Variants in MAMLD1 observed in about 807,000 individuals in gnomAD.
MAMLD1 encodes mastermind-like domain-containing protein 1.
Under a neutral mutation model 45.0 loss-of-function variants are expected in MAMLD1, and 14 were observed. The ratio of observed to expected loss-of-function variants is 0.31; its 90% confidence interval spans 0.21 to 0.49. MAMLD1 has a LOEUF of 0.49. Ranked by LOEUF, MAMLD1 falls within the 20% of genes least tolerant of loss-of-function variation. MAMLD1 has a pLI of 0.99. For missense variants in MAMLD1, 543 were observed against 603.6 expected (o/e 0.90, Z 1.05); for synonymous variants, 254 against 247.8 (o/e 1.02, Z -0.24).
chrX:150,453,331 C>G (rs781965243), intron 2 of MAMLD1, among the ~76,000 whole-genome samples: 1 of 112,249 alleles, frequency 8.9e-6, no homozygotes, highest in African/African-American at 3.2e-5. Flanking sequence ...GCCTGCGAAG[C>G]CTGAGACATT....
rs927968522 is a variant in MAMLD1 at position 150,512,649 on chromosome X, C to T, written c.*690C>T. Reference sequence around the variant, plus strand: ...CTCAGGCAGAGCCCGGTACAGGGCCCGGTGCCTGTAGCAAACACCACCAAG... The same window carrying T: ...CTCAGGCAGAGCCCGGTACAGGGCCTGGTGCCTGTAGCAAACACCACCAAG... On this transcript the variant is annotated 3_prime_UTR_variant, in exon 8 of 8. Transcript: ENST00000370401. 153 of 1,147,547 alleles carry T rather than the reference C, an allele frequency of 1.3e-4. No homozygotes were observed. In the Middle Eastern group the frequency reaches 1.9e-3, roughly 14 times the overall value. 94.6% of individuals were successfully genotyped at this position (1,147,547 alleles called of 1,213,427 possible).
At chrX:150,508,454 G>A (rs1354107089) in intron 6 of MAMLD1, among the ~76,000 whole-genome samples, 1 of 108,913 alleles carries the variant, frequency 9.2e-6, no homozygotes, top group Non-Finnish European at 1.9e-5. Flanking sequence ...CCACACGGCA[G>A]CTCCAGTGGA....
At position 150,394,396 on chromosome X, in the gene MAMLD1, T is replaced by C. The variant is rs2033336279; in HGVS notation, c.-64+30866T>C. ...TAGTGTCAGTCCTTTGACTTTGTTCTTCTCTGTCAATATTTTACTAACTAT... is the reference window on the plus strand; with the variant it reads ...TAGTGTCAGTCCTTTGACTTTGTTCCTCTCTGTCAATATTTTACTAACTAT... On this transcript the variant is annotated intron_variant, in intron 1 of 7. Coordinates refer to ENST00000370401, the MANE Select transcript of MAMLD1 (RefSeq NM_005491.5). Among the ~76,000 whole-genome samples, 4 of 110,375 alleles carry C rather than the reference T, an allele frequency of 3.6e-5. 1 individual carries two copies. In the South Asian group the frequency reaches 1.5e-3, roughly 42 times the overall value.
chrX:150,417,550 G>T (rs1262646333), intron 1 of MAMLD1, among the ~76,000 whole-genome samples: 2 of 110,158 alleles, frequency 1.8e-5, no homozygotes, highest in African/African-American at 6.7e-5. Flanking sequence ...GGGTCAAATG[G>T]TATTTCCAGT....
At chrX:150,425,859 C>A (rs886193600) in intron 1 of MAMLD1, among the ~76,000 whole-genome samples, 2 of 112,196 alleles carry the variant, frequency 1.8e-5, no homozygotes, top group Non-Finnish European at 3.8e-5. Context: ...TTGGAGCGAG[C>A]CAGTGAAATG....
At position 150,512,966 on chromosome X, in the gene MAMLD1, G is replaced by A; in HGVS notation, c.*1007G>A. On this transcript the variant is annotated 3_prime_UTR_variant, in exon 8 of 8. Transcript: ENST00000370401. ...CTGTGTGAGCCCAGATGAAGACTGGGTGTGCAACTTGAGGCTGATCGACGA... is the reference window on the plus strand; with the variant it reads ...CTGTGTGAGCCCAGATGAAGACTGGATGTGCAACTTGAGGCTGATCGACGA... 1.7e-6 allele frequency: 2 copies of A among 1,156,105 alleles called. No individual in the cohort carries two copies. Among genetic ancestry groups the A allele is most frequent in the Non-Finnish European group, 2.3e-6 (2 of 872,844 alleles).
chrX:150,495,947 C>G (rs2037362803), intron 5 of MAMLD1, among the ~76,000 whole-genome samples: 1 of 112,663 alleles, frequency 8.9e-6, no homozygotes, highest in South Asian at 3.7e-4. Flanking sequence ...AATTATGATG[C>G]TGTTATCTCC....
intron 2 of MAMLD1, among the ~76,000 whole-genome samples, chrX:150,449,147 A>T (rs1261422014): frequency 1.8e-5 from 2 of 111,251 alleles, no homozygotes; most frequent in African/African-American, 3.3e-5. Flanking sequence ...GGGGATTATT[A>T]TTATTCTCCT....
At chrX:150,492,976 G>A (rs1379033863) in intron 5 of MAMLD1, among the ~76,000 whole-genome samples, 4 of 111,643 alleles carry the variant, frequency 3.6e-5, no homozygotes, top group Non-Finnish European at 7.5e-5. Flanking sequence ...TTCAGTGACA[G>A]GAGAGCAGAG....
chrX:150,481,964 AAAAGAAAGAAAGAAAG>A (rs57124938), intron 5 of MAMLD1, among the ~76,000 whole-genome samples: 961 of 56,565 alleles, frequency 0.017, 12 homozygotes, highest in East Asian at 0.037. Context: ...AAAGAAAGAA[AAAAGAAAGAAAGAAAG>A]AAAGAAAGAA....
At chrX:150,393,615 GT>G (rs1399037074) in intron 1 of MAMLD1, among the ~76,000 whole-genome samples, 1 of 112,127 alleles carries the variant, frequency 8.9e-6, no homozygotes, top group Non-Finnish European at 1.9e-5. Context: ...GTTGTTGCCA[GT>G]TTTCCAGATT....
chrX:150,395,967 G>T (rs2033395736), intron 1 of MAMLD1, among the ~76,000 whole-genome samples: 1 of 106,791 alleles, frequency 9.4e-6, no homozygotes, highest in Non-Finnish European at 1.9e-5. Flanking sequence ...CTTACTTAGG[G>T]TTTAATGTGC....
intron 1 of MAMLD1, among the ~76,000 whole-genome samples, chrX:150,365,468 G>T (rs1013670396): frequency 4.4e-5 from 5 of 113,172 alleles, no homozygotes; most frequent in Non-Finnish European, 9.4e-5. Context: ...AGCGCTCCGC[G>T]GGGTGGGCAG....
chrX:150,407,688 A>C (rs1028433369), intron 1 of MAMLD1, among the ~76,000 whole-genome samples: 2 of 112,017 alleles, frequency 1.8e-5, no homozygotes, highest in African/African-American at 3.2e-5. Flanking sequence ...TAGCTCACCC[A>C]CTTACAAGCT....
intron 1 of MAMLD1, among the ~76,000 whole-genome samples, chrX:150,398,307 A>G (rs1257450775): frequency 1.0e-5 from 1 of 99,197 alleles, no homozygotes; most frequent in Non-Finnish European, 2.0e-5. Flanking sequence ...AAGAAGAAGA[A>G]GAAGAAGAAG....
intron 1 of MAMLD1, among the ~76,000 whole-genome samples, chrX:150,381,247 A>C (rs1407974061): frequency 1.8e-5 from 2 of 111,996 alleles, no homozygotes; most frequent in Non-Finnish European, 3.8e-5. Context: ...ATAATTGTAG[A>C]GTCACATACA....
At position 150,470,320 on chromosome X, in the gene MAMLD1, G is replaced by C. The variant is rs141528376; in HGVS notation, c.747G>C (p.Met249Ile). The change falls in exon 4 of 8, where the codon ATG becomes ATC. Residue 249 changes from methionine to isoleucine, a missense_variant. Coordinates refer to ENST00000370401, the MANE Select transcript of MAMLD1 (RefSeq NM_005491.5). ...CTAGTTGCAGCCAAGTTACTGGCAT[G>C]TCACTTCAGATCCCATCCTCCTCCA... ...FASSCSQVTGMSLQIPSSSTG... is the reference protein window; with the variant it reads ...FASSCSQVTGISLQIPSSSTG... The C allele has an allele frequency of 1.2e-5, 14 of 1,206,270 alleles. No homozygotes were observed. Among genetic ancestry groups the C allele is most frequent in the Non-Finnish European group, 1.5e-5 (13 of 892,674 alleles).
intron 1 of MAMLD1, among the ~76,000 whole-genome samples, chrX:150,368,339 C>T (rs1454514347): frequency 1.8e-5 from 2 of 111,032 alleles, no homozygotes; most frequent in African/African-American, 3.3e-5. Flanking sequence ...CATGTGTCTG[C>T]TGGCTGCGTA....
In MAMLD1 at chrX:150,470,966, A is replaced by T. The variant is rs782171332; in HGVS notation, c.1393A>T (p.Ser465Cys). 5.8e-6 allele frequency: 7 copies of T among 1,210,176 alleles called. No individual in the cohort carries two copies. Among genetic ancestry groups the T allele is most frequent in the Non-Finnish European group, 7.8e-6 (7 of 895,290 alleles). Residue 465 changes from serine to cysteine, a missense_variant, in exon 4 of 8, where the codon AGC becomes TGC. By Grantham distance (112) the Ser-to-Cys change is moderately radical. Transcript: ENST00000370401. Reference protein sequence around the residue: ...SPPYRPEKLSSPGLPQQSFTP... With the variant: ...SPPYRPEKLSCPGLPQQSFTP... ...ACCCTATCGCCCAGAGAAGCTCTCT[A>T]GCCCAGGCTTGCCACAGCAGTCCTT... is the stretch of plus-strand genomic sequence containing the variant.
Sources: gnomAD v4.1 joint callset for allele counts (sites outside exome capture counted in the v4.1 genomes callset) on GRCh38, gnomAD v4.1.1 for gene constraint, MANE v1.5 for transcripts, NCBI Gene and HGNC (gene_info 2026-07-23, HGNC 2026-07-21) for gene names.